Variants in HOMER2 observed in about 807,000 individuals in gnomAD.
HOMER2 encodes the protein homer protein homolog 2.
Under a neutral mutation model 47.0 loss-of-function variants are expected in HOMER2, and 27 were observed. That is an observed-to-expected ratio of 0.57 (90% CI 0.42 to 0.79). The LOEUF (loss-of-function observed/expected upper bound fraction) is 0.79. Among genes scored for constraint, HOMER2 ranks in the 30% least tolerant of loss-of-function variants. The pLI is 0.00. For missense variants in HOMER2, 443 were observed against 435.0 expected (o/e 1.02, Z -0.16); for synonymous variants, 161 against 163.8 (o/e 0.98, Z 0.13).
intron 3 of HOMER2, among the ~76,000 whole-genome samples, chr15:82,866,358 C>G (rs970445238): frequency 1.3e-5 from 2 of 152,226 alleles, no homozygotes; most frequent in African/African-American, 4.8e-5. Flanking sequence ...AATGCCTCTA[C>G]CCCCATTGTA....
At chr15:82,986,039 T>C, upstream of HOMER2, 2 of 984,782 alleles carry the variant, frequency 2.0e-6, no homozygotes, top group African/African-American at 1.7e-5. Flanking sequence ...TGAAAGTGCA[T>C]GGAGGGCATC....
At chr15:82,960,389 T>C (rs371791975) in intron 1 of HOMER2, among the ~76,000 whole-genome samples, 6 of 152,020 alleles carry the variant, frequency 3.9e-5, no homozygotes, top group African/African-American at 7.2e-5. Flanking sequence ...ACCTGGGAAG[T>C]GTGTGTTGAA....
At chr15:82,837,297 A>G (rs900553455) in exon 2 of HOMER2, 26 of 152,222 alleles carry the variant, frequency 1.7e-4, no homozygotes, top group African/African-American at 6.3e-4. Flanking sequence ...TTTGCCAACT[A>G]TGGTAACATA....
At chr15:82,934,132 C>T (rs992151491) in intron 1 of HOMER2, among the ~76,000 whole-genome samples, 2 of 152,176 alleles carry the variant, frequency 1.3e-5, no homozygotes, top group African/African-American at 2.4e-5. Context: ...CACCGCCCCC[C>T]ACATATGCAG....
At chr15:82,942,800 T>C (rs938042030) in intron 1 of HOMER2, among the ~76,000 whole-genome samples, 4 of 152,018 alleles carry the variant, frequency 2.6e-5, no homozygotes, top group African/African-American at 9.7e-5. Flanking sequence ...TTCCCGATCC[T>C]CTGGCTGGCG....
chr15:82,925,371 T>C (rs1480791875), intron 1 of HOMER2, among the ~76,000 whole-genome samples: 2 of 152,162 alleles, frequency 1.3e-5, no homozygotes, highest in Non-Finnish European at 2.9e-5. Context: ...AGAACCTCCA[T>C]GTGGTCCCCT....
intron 1 of HOMER2, among the ~76,000 whole-genome samples, chr15:82,910,815 A>AT (rs1259828371): frequency 6.6e-6 from 1 of 152,010 alleles, no homozygotes; most frequent in African/African-American, 2.4e-5. Context: ...AACATTCTTC[A>AT]TTTTGTCTCA....
intron 1 of HOMER2, among the ~76,000 whole-genome samples, chr15:82,933,127 TAA>T (rs138880202): frequency 7.5e-6 from 1 of 133,956 alleles, no homozygotes. Context: ...GAAAATCTGA[TAA>T]AAAAAAAAAA....
intron 1 of HOMER2, among the ~76,000 whole-genome samples, chr15:82,976,113 G>A (rs961935582): frequency 3.9e-5 from 6 of 152,040 alleles, no homozygotes; most frequent in South Asian, 4.1e-4. Context: ...AATCCACATA[G>A]TGTGTGTGTG....
chr15:82,900,024 T>C (rs2053060156), intron 1 of HOMER2, among the ~76,000 whole-genome samples: 1 of 151,688 alleles, frequency 6.6e-6, no homozygotes, highest in East Asian at 1.9e-4. Context: ...AGACTCCATC[T>C]CAAAATAAAA....
At chr15:82,931,839 A>AAAAAC (rs200238784) in intron 1 of HOMER2, among the ~76,000 whole-genome samples, 119 of 152,322 alleles carry the variant, frequency 7.8e-4, no homozygotes, top group African/African-American at 1.8e-3. Context: ...CTCCGTCTCA[A>AAAAAC]AAAACAAAAC....
intron 4 of HOMER2, among the ~76,000 whole-genome samples, chr15:82,863,478 C>G (rs759403340): frequency 1.3e-5 from 2 of 152,212 alleles, no homozygotes; most frequent in African/African-American, 4.8e-5. Flanking sequence ...CAGCTGCCAG[C>G]AGGCAGACTC....
chr15:82,889,001 C>A (rs1329611305), intron 2 of HOMER2, among the ~76,000 whole-genome samples: 1 of 152,186 alleles, frequency 6.6e-6, no homozygotes, highest in African/African-American at 2.4e-5. Context: ...CCACAACAGC[C>A]TCCTGCTTTG....
At chr15:82,959,778 GC>G (rs1567076490) in intron 1 of HOMER2, among the ~76,000 whole-genome samples, 1 of 152,156 alleles carries the variant, frequency 6.6e-6, no homozygotes. Flanking sequence ...GATACCCAGA[GC>G]CCCAAGAGTT....
exon 2 of HOMER2, chr15:82,837,612 C>G (rs1367892276): frequency 6.6e-6 from 1 of 152,210 alleles, no homozygotes; most frequent in Non-Finnish European, 1.5e-5. Context: ...GCCTGGTATT[C>G]ATGAGGTCTT....
chr15:82,982,155 A>G (rs893444349), intron 1 of HOMER2, among the ~76,000 whole-genome samples: 3 of 152,238 alleles, frequency 2.0e-5, no homozygotes, highest in African/African-American at 7.2e-5. Context: ...CCAGAAGAAT[A>G]TAACTGATGC....
At position 82,892,703 on chromosome 15, in the gene HOMER2, G is replaced by A. The variant is rs373302620; in HGVS notation, c.144C>T (p.Ile48=). 1 of 1,591,250 alleles carries A rather than the reference G, an allele frequency of 6.3e-7. No homozygotes were observed. The highest frequency in any genetic ancestry group is 8.6e-7 in the Non-Finnish European group (1 of 1,163,506). The change falls in exon 2 of 9, where the codon ATC becomes ATT. Residue 48 remains isoleucine (I), a synonymous_variant. Transcript: ENST00000450735. ...GTGGTACCTTGGCTCCGTCCACACT[G>A]ATGATCCGATAGCTGTTCCTTGTGA... ...YDVTRNSYRI[I]SVDGAKVIIN...
At chr15:82,882,234 C>T (rs992178817) in intron 2 of HOMER2, among the ~76,000 whole-genome samples, 13 of 108,418 alleles carry the variant, frequency 1.2e-4, no homozygotes, top group African/African-American at 4.7e-4. Context: ...TGGGTCCCCC[C>T]TTGGCAGTGA....
intron 1 of HOMER2, among the ~76,000 whole-genome samples, chr15:82,934,007 C>T (rs2054080239): frequency 6.6e-6 from 1 of 152,162 alleles, no homozygotes; most frequent in East Asian, 1.9e-4. Context: ...CCTATCCTCC[C>T]ACACTCACAG....
Sources: allele counts gnomAD v4.1 joint callset (sites outside exome capture counted in the v4.1 genomes callset), GRCh38; gene constraint gnomAD v4.1.1; transcripts MANE v1.5; gene names NCBI Gene and HGNC (gene_info 2026-07-23, HGNC 2026-07-21).